Variants in KRT6C observed in about 807,000 individuals in gnomAD.
KRT6C encodes the protein keratin, type II cytoskeletal 6C.
In KRT6C, 46 loss-of-function variants were observed where a neutral mutation model predicts 49.4. The observed-to-expected ratio is 0.93, with a 90% confidence interval of 0.74 to 1.19. The LOEUF is 1.19. Among genes scored for constraint, KRT6C ranks in the 50% most tolerant of loss-of-function variants. The probability of loss-of-function intolerance (pLI) is 0.00; values close to 1 mark genes in which losing one functional copy is unlikely to be tolerated. For missense variants in KRT6C, 552 were observed against 737.5 expected, an observed-to-expected ratio of 0.75 and a Z score of 2.91; for synonymous variants, 236 against 297.1, an observed-to-expected ratio of 0.79 and a Z score of 2.12.
chr12:52,472,987 C>T (rs1937913833), intron 1 of KRT6C, among the ~76,000 whole-genome samples: 1 of 150,790 alleles, frequency 6.6e-6, no homozygotes, highest in Non-Finnish European at 1.5e-5. Context: ...TTACGGCTCT[C>T]CCTAGGCAGG....
chr12:52,470,541 C>T lies in KRT6C; in HGVS notation c.1167G>A (p.Gln389=). The change falls in exon 6 of 9, where the codon CAG becomes CAA. Residue 389 remains glutamine (Q), a synonymous_variant. Transcript: ENST00000252250. ...QEIAEINRMI[Q]RLRSEIDHVK... is the part of the protein sequence containing the mutation. ...CATGGTCGATCTCAGATCTCAGCCTCTGGATCATGCGGTTGATCTCAGCAA... is the reference window on the plus strand; with the variant it reads ...CATGGTCGATCTCAGATCTCAGCCTTTGGATCATGCGGTTGATCTCAGCAA... The T allele has an allele frequency of 6.2e-7, 1 of 1,614,184 alleles. No homozygotes were observed. Among genetic ancestry groups the T allele is most frequent in the African/African-American group, 1.3e-5 (1 of 75,052 alleles).
chr12:52,470,386 C>T (rs1325498148), intron 6 of KRT6C, 119 bp downstream of exon 6: 2 of 1,562,470 alleles, frequency 1.3e-6, no homozygotes, highest in East Asian at 4.5e-5. Flanking sequence ...AAGAACTACA[C>T]ATGTTCCTCA....
Position 52,468,979 on chromosome 12 carries a change from G to C in KRT6C, c.*83C>G. 6.3e-7 allele frequency: 1 copy of C among 1,578,074 alleles called. No individual in the cohort carries two copies. The highest frequency in any genetic ancestry group is 8.7e-7 in the Non-Finnish European group (1 of 1,150,600). ...GAGAGCAGGGAAGACTAGAGGCCAG[G>C]AGAGGATAGGCAACCTGAGGAGACG... is the stretch of plus-strand genomic sequence containing the variant. On this transcript the variant is annotated 3_prime_UTR_variant, in exon 9 of 9. Coordinates refer to ENST00000252250, the MANE Select transcript of KRT6C (RefSeq NM_173086.5).
chr12:52,471,660 T>C lies in KRT6C; in HGVS notation c.816+12A>G. On this transcript the variant is annotated intron_variant, in intron 3 of 8. Transcript: ENST00000252250. ...TCTAAATGAATTTGAACCCCCGGCT[T>C]CATCTGCTCACCTTCTTCAGAGTCA... The C allele has an allele frequency of 6.2e-7, 1 of 1,612,366 alleles. No individual in the cohort carries two copies. The highest frequency in any genetic ancestry group is 2.2e-5 in the East Asian group (1 of 44,788).
At chr12:52,469,586 A>C (rs1407166592) in intron 7 of KRT6C, 84 bp downstream of exon 7, 5 of 1,613,248 alleles carry the variant, frequency 3.1e-6, no homozygotes, top group Non-Finnish European at 4.2e-6. Flanking sequence ...TACGGCCATG[A>C]GCAGTGCACC....
Position 52,470,397 on chromosome 12 carries a change from C to T in KRT6C, c.1203+108G>A, listed in dbSNP as rs926053663. ...GGGCAAGAACTACACATGTTCCTCA[C>T]CCTAGTGTTGGTTTACGTTTCAGGA... On this transcript the variant is annotated intron_variant, in intron 6 of 8. Coordinates refer to ENST00000252250, the MANE Select transcript of KRT6C (RefSeq NM_173086.5). The T allele has an allele frequency of 6.9e-6, 11 of 1,587,698 alleles. No individual in the cohort carries two copies. In the African/African-American group the frequency reaches 1.3e-4, roughly 19 times the overall value.
chr12:52,471,254 C>T lies in KRT6C; in HGVS notation c.955G>A (p.Val319Met). ...MQTHISDTSV[V>M]LSMDNNRNLD... ...TTGCGGTTGTTGTCCATGGATAGCA[C>T]CACGGATGTGTCTGAGATGTGGGTC... Residue 319 changes from valine to methionine, a missense_variant, in exon 5 of 9, where the codon GTG becomes ATG. By Grantham distance (21) the Val-to-Met change is conservative (BLOSUM62 1). Transcript: ENST00000252250. 2 of 1,614,200 alleles carry T rather than the reference C, an allele frequency of 1.2e-6. No homozygotes were observed. The highest frequency in any genetic ancestry group is 1.1e-5 in the South Asian group (1 of 91,086).
intron 4 of KRT6C, 25 bp downstream of exon 4, chr12:52,471,396 A>G (rs1360596821): frequency 6.2e-7 from 1 of 1,613,946 alleles, no homozygotes; most frequent in Non-Finnish European, 8.5e-7. Context: ...ATCAGAGTAA[A>G]CAGAAGGATG....
chr12:52,469,371 A>G (rs1366822374), intron 8 of KRT6C, 40 bp downstream of exon 8: 1 of 1,614,038 alleles, frequency 6.2e-7, no homozygotes, highest in Non-Finnish European at 8.5e-7. Flanking sequence ...CAGTCAGAAG[A>G]GTGCGAGGGC....
Position 52,469,219 on chromosome 12 carries a change from C to A in KRT6C, c.1538G>T (p.Ser513Ile). 1 of 1,614,006 alleles carries A rather than the reference C, an allele frequency of 6.2e-7. No homozygotes were observed. Among genetic ancestry groups the A allele is most frequent in the Non-Finnish European group, 8.5e-7 (1 of 1,179,848 alleles). The change falls in exon 9 of 9, where the codon AGC becomes ATC. Residue 513 changes from serine to isoleucine, a missense_variant. Around this residue, in one of 3 missense-constraint regions of KRT6C, gnomAD observed 425 missense variants for 439.4 expected, o/e 0.97. Transcript: ENST00000252250. Reference protein sequence around the residue: ...VGSGLGLGGGSSYSYGSGLGI... With the variant: ...VGSGLGLGGGISYSYGSGLGI... Reference sequence around the variant, plus strand: ...AAGACCACTGCCATAGGAGTAGCTGCTTCCTCCACCCAGGCCTAAGCCACT... The same window carrying A: ...AAGACCACTGCCATAGGAGTAGCTGATTCCTCCACCCAGGCCTAAGCCACT...
Position 52,471,214 on chromosome 12 carries a change from C to T in KRT6C, c.995G>A (p.Ser332Asn), listed in dbSNP as rs761529098. 1.9e-6 allele frequency: 3 copies of T among 1,614,200 alleles called. No homozygotes were observed. Among genetic ancestry groups the T allele is most frequent in the East Asian group, 2.2e-5 (1 of 44,884 alleles). The change falls in exon 5 of 9, where the codon AGC becomes AAC. Residue 332 changes from serine to asparagine, a missense_variant. By Grantham distance (46) the Ser-to-Asn change is conservative. This residue lies in a region of KRT6C where 425 missense variants were observed against 439.4 expected (regional missense o/e 0.97). Coordinates refer to ENST00000252250, the MANE Select transcript of KRT6C (RefSeq NM_173086.5). ...TTGGGCCTTGACCTCAGCGATGATG[C>T]TGTCCAGGTCCAGGTTGCGGTTGTT... is the stretch of plus-strand genomic sequence containing the variant. ...MDNNRNLDLD[S>N]IIAEVKAQYE...
At chr12:52,470,867 A>G (rs1229445673) in intron 5 of KRT6C, among the ~76,000 whole-genome samples, 2 of 152,122 alleles carry the variant, frequency 1.3e-5, no homozygotes, top group East Asian at 1.9e-4. Flanking sequence ...TTCTGTACCA[A>G]TTTCTAAAAG....
In KRT6C at chr12:52,469,670, C is replaced by G; in HGVS notation, c.1424G>C (p.Arg475Thr). ...YRKLLEGEEC[R>T]LNGEGVGQVN... is the part of the protein sequence containing the mutation. ...GGAGGAAGTCGCGTCAGTTACCTAC[C>G]TGCACTCCTCGCCCTCCAGCAGCTT... Residue 475 changes from arginine (R) to threonine (T), a missense_variant and splice_region_variant, in exon 7 of 9, where the codon AGG becomes ACG. Around this residue, in one of 3 missense-constraint regions of KRT6C, gnomAD observed 425 missense variants for 439.4 expected, o/e 0.97. Transcript: ENST00000252250. The G allele has an allele frequency of 6.2e-7, 1 of 1,614,206 alleles. No individual in the cohort carries two copies. The highest frequency in any genetic ancestry group is 8.5e-7 in the Non-Finnish European group (1 of 1,180,028).
chr12:52,470,389 G>A (rs978822243), intron 6 of KRT6C, 116 bp downstream of exon 6: 3 of 1,569,396 alleles, frequency 1.9e-6, no homozygotes, highest in South Asian at 1.1e-5. Flanking sequence ...AACTACACAT[G>A]TTCCTCACCC....
rs12817610 is a variant in KRT6C, at chr12:52,472,296, G to A, written c.541-16C>T. 8.7e-5 allele frequency: 122 copies of A among 1,406,550 alleles called. 11 individuals are homozygous for A. The African/African-American group carries it at 1.3e-3, about 15-fold the overall frequency. The allele number at this position is 1,406,550 out of a possible 1,614,324, so 87.1% of individuals were successfully genotyped here. ...GGAACCGCACCTGGAAGGGAAGCAAGATGGTCATTTTCCAGGCAAAGGAAG... is the reference window on the plus strand; with the variant it reads ...GGAACCGCACCTGGAAGGGAAGCAAAATGGTCATTTTCCAGGCAAAGGAAG... On this transcript the variant is annotated splice_polypyrimidine_tract_variant and intron_variant, in intron 1 of 8. Transcript: ENST00000252250.
intron 2 of KRT6C, 144 bp from the exon 3 acceptor site, chr12:52,471,876 A>T (rs949500310): frequency 2.5e-5 from 33 of 1,346,822 alleles, no homozygotes; most frequent in African/African-American, 2.0e-4. Flanking sequence ...GAGTTTTGCT[A>T]CTACTAAATT....
At chr12:52,473,047 T>C (rs1937914952) in intron 1 of KRT6C, 151 bp downstream of exon 1, 4 of 1,279,106 alleles carry the variant, frequency 3.1e-6, no homozygotes, top group East Asian at 5.0e-5. Context: ...CCATCTGTGC[T>C]GCCTCCTGTG....
chr12:52,472,074 G>T lies in KRT6C; in HGVS notation c.747C>A (p.Leu249=). 1 of 1,595,332 alleles carries T rather than the reference G, an allele frequency of 6.3e-7. No homozygotes were observed. The highest frequency in any genetic ancestry group is 1.1e-5 in the South Asian group (1 of 90,654). The change falls in exon 2 of 9, where the codon CTC becomes CTA. Residue 249 remains leucine, a synonymous_variant. Transcript: ENST00000252250. ...GGAAATGGAGTCCTCACTTGTTCTT[G>T]AGGTCCTCCACCAGGTCCTGCATGT... The part of the protein sequence containing the change: ...LRNMQDLVED[L]KNKYEDEINK...
rs1471335270 is a variant in KRT6C, at chr12:52,472,292, G to C, written c.541-12C>G. 1 of 1,407,850 alleles carries C rather than the reference G, an allele frequency of 7.1e-7. No homozygotes were observed. The highest frequency in any genetic ancestry group is 1.4e-5 in the African/African-American group (1 of 73,940). 87.2% of individuals were successfully genotyped at this position (1,407,850 alleles called of 1,614,324 possible). ...TCTAGGAACCGCACCTGGAAGGGAA[G>C]CAAGATGGTCATTTTCCAGGCAAAG... On this transcript the variant is annotated splice_polypyrimidine_tract_variant and intron_variant, in intron 1 of 8. Coordinates refer to ENST00000252250, the MANE Select transcript of KRT6C (RefSeq NM_173086.5).
Sources: gnomAD v4.1 joint callset for allele counts (sites outside exome capture counted in the v4.1 genomes callset) on GRCh38, gnomAD v4.1.1 for gene constraint, gnomAD v4.1.1 regional missense constraint, MANE v1.5 for transcripts, NCBI Gene and HGNC (gene_info 2026-07-23, HGNC 2026-07-21) for gene names.